Variants in STXBP6 observed in about 807,000 individuals in gnomAD.
STXBP6 encodes the protein syntaxin-binding protein 6.
A neutral mutation model predicts 26.9 loss-of-function variants in STXBP6; 21 were observed. The observed-to-expected ratio is 0.78, with a 90% CI of 0.55 to 1.12. The LOEUF is 1.12. Ranked by LOEUF, STXBP6 falls within the 50% of genes most tolerant of loss-of-function variation. The pLI is 0.00. For synonymous variants in STXBP6, 97 were observed against 92.6 expected, an observed-to-expected ratio of 1.05 and a Z score of -0.27; for missense variants, 232 against 257.9, an observed-to-expected ratio of 0.90 and a Z score of 0.69.
Position 24,974,694 on chromosome 14 carries a change from C to A in STXBP6, c.125G>T (p.Gly42Val), listed in dbSNP as rs1227369956. ...KIPFLATGGQ[G>V]EYLTYICLSV... is the part of the protein sequence containing the mutation. ...CAGGCAGATATAAGTTAAATATTCGCCTTGACCTCCAGTTGCCAAGAAAGG... is the reference window on the plus strand; with the variant it reads ...CAGGCAGATATAAGTTAAATATTCGACTTGACCTCCAGTTGCCAAGAAAGG... The change falls in exon 2 of 6, where the codon GGC becomes GTC. Residue 42 changes from glycine (G) to valine (V), a missense_variant. Transcript: ENST00000323944. 1.2e-5 allele frequency: 18 copies of A among 1,558,112 alleles called. No homozygotes were observed. The highest frequency in any genetic ancestry group is 1.6e-5 in the Non-Finnish European group (18 of 1,149,324).
intron 2 of STXBP6, among the ~76,000 whole-genome samples, chr14:24,916,613 T>A (rs1483493561): frequency 1.3e-5 from 2 of 152,108 alleles, no homozygotes; most frequent in Admixed American, 6.6e-5. Context: ...ATTTAAAGAA[T>A]CTTTTTTGGT....
chr14:24,873,868 C>A (rs900477525), intron 2 of STXBP6, among the ~76,000 whole-genome samples: 11 of 152,168 alleles, frequency 7.2e-5, no homozygotes, highest in Admixed American at 6.5e-4. Flanking sequence ...CTGTGTCTGC[C>A]TGAACTCCTG....
rs34132743 is a variant in STXBP6, at chr14:24,964,647, CTGTGTGTG to C, written c.154+10010_154+10017del. ...TGACAGAGCTAGTACAGTTCTCATT[CTGTGTGTG>C]TGTGTGTGTGTGTGTGTGTGTGTGT... On this transcript the variant is annotated intron_variant, in intron 2 of 5. Transcript: ENST00000323944. 3.4e-4 allele frequency among the ~76,000 whole-genome samples: 48 copies of C among 140,212 alleles called. 1 individual carries two copies. The highest frequency in any genetic ancestry group is 3.7e-3 in the Middle Eastern group (1 of 272). 92.0% of individuals were successfully genotyped at this position (140,212 alleles called of 152,430 possible).
At chr14:24,962,334 T>A in intron 2 of STXBP6, among the ~76,000 whole-genome samples, 1 of 125,958 alleles carries the variant, frequency 7.9e-6, no homozygotes, top group African/African-American at 3.0e-5. Flanking sequence ...TTTATTTATT[T>A]ATTTATTATT....
intron 1 of STXBP6, among the ~76,000 whole-genome samples, chr14:24,989,751 G>C (rs1020000174): frequency 3.3e-5 from 5 of 152,218 alleles, no homozygotes; most frequent in African/African-American, 1.2e-4. Context: ...CCCATCACGA[G>C]TGTGGGCTCT....
chr14:24,974,678 A>G lies in STXBP6; in HGVS notation c.141T>C (p.Tyr47=), dbSNP rs566518450. The change falls in exon 2 of 6, where the codon TAT becomes TAC. Residue 47 remains tyrosine, a synonymous_variant. Coordinates refer to ENST00000323944, the MANE Select transcript of STXBP6 (RefSeq NM_001394410.1). ...ATGGQGEYLT[Y]ICLSVTNKKP... is the part of the protein sequence containing the mutation. ...GGTTCTCATTACCTGACAGGCAGAT[A>G]TAAGTTAAATATTCGCCTTGACCTC... 1.3e-6 allele frequency: 2 copies of G among 1,552,330 alleles called. No homozygotes were observed. The highest frequency in any genetic ancestry group is 2.7e-5 in the African/African-American group (2 of 73,250).
chr14:24,983,853 TAA>T (rs900033774), intron 1 of STXBP6, among the ~76,000 whole-genome samples: 2 of 152,242 alleles, frequency 1.3e-5, no homozygotes, highest in Non-Finnish European at 2.9e-5. Flanking sequence ...CTCCATTTTT[TAA>T]GAGTTTGAAA....
chr14:24,849,810 C>G lies in STXBP6; in HGVS notation c.451+6126G>C, dbSNP rs954697753. On this transcript the variant is annotated intron_variant, in intron 4 of 5. Coordinates refer to ENST00000323944, the MANE Select transcript of STXBP6 (RefSeq NM_001394410.1). The stretch of plus-strand genomic sequence containing the variant: ...AAGCAACCATATGGTGGTGTTAATA[C>G]AACTTATCTCTGTGAATTATAATCT... Among the ~76,000 whole-genome samples the G allele has an allele frequency of 2.6e-5, 4 of 152,248 alleles. No homozygotes were observed. In the South Asian group the frequency reaches 8.3e-4, roughly 32 times the overall value.
intron 5 of STXBP6, chr14:24,815,815 C>T (rs1268145822): frequency 6.6e-6 from 1 of 152,132 alleles, no homozygotes; most frequent in African/African-American, 2.4e-5. Context: ...GATTGTGGTG[C>T]ACTTTCCTGA....
Position 24,856,537 on chromosome 14 carries a change from G to A in STXBP6, c.286-436C>T, listed in dbSNP as rs188686881. 7.1e-4 allele frequency among the ~76,000 whole-genome samples: 108 copies of A among 152,136 alleles called. 1 individual carries two copies. Among genetic ancestry groups the A allele is most frequent in the Non-Finnish European group, 1.2e-3 (84 of 67,966 alleles). Reference sequence around the variant, plus strand: ...CTTCATTATTAGCATTTTGTGAGGTGTGCATGTGAGCAACGGGAATGTACT... The same window carrying A: ...CTTCATTATTAGCATTTTGTGAGGTATGCATGTGAGCAACGGGAATGTACT... On this transcript the variant is annotated intron_variant, in intron 3 of 5. Transcript: ENST00000323944.
chr14:24,846,771 T>G (rs563951223), intron 4 of STXBP6, among the ~76,000 whole-genome samples: 2 of 152,276 alleles, frequency 1.3e-5, no homozygotes, highest in Non-Finnish European at 2.9e-5. Context: ...AAATTTGAAG[T>G]TTTCAACTTT....
intron 1 of STXBP6, among the ~76,000 whole-genome samples, chr14:24,991,504 C>G (rs2074473880): frequency 6.6e-6 from 1 of 152,140 alleles, no homozygotes; most frequent in South Asian, 2.1e-4. Context: ...AGTAAAATGA[C>G]AGCCAATTCA....
chr14:24,897,756 T>C (rs1034923937), intron 2 of STXBP6, among the ~76,000 whole-genome samples: 1 of 152,194 alleles, frequency 6.6e-6, no homozygotes, highest in African/African-American at 2.4e-5. Context: ...GGGAGTCTTT[T>C]AAGAGGTGAC....
intron 2 of STXBP6, among the ~76,000 whole-genome samples, chr14:24,872,089 A>C (rs1440470464): frequency 6.6e-6 from 1 of 152,202 alleles, no homozygotes; most frequent in Admixed American, 6.5e-5. Flanking sequence ...TCAAACAAAT[A>C]AACAGAGAAA....
intron 4 of STXBP6, among the ~76,000 whole-genome samples, chr14:24,826,419 T>C (rs895500759): frequency 3.9e-5 from 6 of 152,192 alleles, no homozygotes; most frequent in African/African-American, 1.4e-4. Flanking sequence ...GATTGTTACC[T>C]GGCACTGGAG....
intron 2 of STXBP6, among the ~76,000 whole-genome samples, chr14:24,946,923 CTG>C (rs1282337761): frequency 6.6e-6 from 1 of 152,084 alleles, no homozygotes; most frequent in Non-Finnish European, 1.5e-5. Flanking sequence ...ACCGAGATGA[CTG>C]GGCCCAGGAT....
chr14:25,047,284 A>G (rs2075741890), intron 1 of STXBP6, among the ~76,000 whole-genome samples: 2 of 152,184 alleles, frequency 1.3e-5, no homozygotes, highest in Non-Finnish European at 2.9e-5. Flanking sequence ...GTATGAAAAG[A>G]AGGGGGAATC....
chr14:24,850,345 T>C (rs886481372), intron 4 of STXBP6, among the ~76,000 whole-genome samples: 1 of 152,034 alleles, frequency 6.6e-6, no homozygotes, highest in Non-Finnish European at 1.5e-5. Context: ...GACATCTGTG[T>C]CCCTAGAATT....
rs117304406 is a variant in STXBP6, at chr14:25,047,470, G to A, written c.-33+2408C>T. Among the ~76,000 whole-genome samples, 698 of 152,234 alleles carry A rather than the reference G, an allele frequency of 4.6e-3. 4 individuals carry two copies. The highest frequency in any genetic ancestry group is 7.6e-3 in the Non-Finnish European group (517 of 68,010). On this transcript the variant is annotated intron_variant, in intron 1 of 5. Transcript: ENST00000323944. Reference sequence around the variant, plus strand: ...AAAATAATGGCATTTCACAACAAACGTCATCTCTCTTACTATCTCCCACTC... The same window carrying A: ...AAAATAATGGCATTTCACAACAAACATCATCTCTCTTACTATCTCCCACTC...
Sources: gnomAD v4.1 joint callset for allele counts (sites outside exome capture counted in the v4.1 genomes callset) on GRCh38, gnomAD v4.1.1 for gene constraint, MANE v1.5 for transcripts, NCBI Gene and HGNC (gene_info 2026-07-23, HGNC 2026-07-21) for gene names.